The following KDM3A variants were observed in gnomAD, a reference collection of about 807,000 sequenced individuals.
KDM3A encodes the protein lysine demethylase 3A, also known as lysine-specific demethylase 3A.
Under a neutral mutation model 158.0 loss-of-function variants are expected in KDM3A, and 60 were observed. The ratio of observed to expected loss-of-function variants is 0.38; its 90% CI spans 0.31 to 0.47. The LOEUF (loss-of-function observed/expected upper bound fraction) is 0.47. KDM3A is among the 20% of genes least tolerant of loss of function. The probability of loss-of-function intolerance (pLI) is 0.99; values close to 1 mark genes in which losing one functional copy is unlikely to be tolerated. For missense variants in KDM3A, 1,319 were observed against 1,574.3 expected, an observed-to-expected ratio of 0.84 and a Z score of 2.74; for synonymous variants, 608 against 549.3, an observed-to-expected ratio of 1.11 and a Z score of -1.49.
At chr2:86,445,489 A>T (rs1436490553) in intron 2 of KDM3A, among the ~76,000 whole-genome samples, 2 of 151,694 alleles carry the variant, frequency 1.3e-5, no homozygotes, top group East Asian at 1.9e-4. Flanking sequence ...TTTGAAGCCT[A>T]CCTTTTTCTT....
intron 2 of KDM3A, among the ~76,000 whole-genome samples, chr2:86,447,440 C>T (rs1036938780): frequency 4.1e-5 from 6 of 147,662 alleles, no homozygotes; most frequent in Non-Finnish European, 7.4e-5. Context: ...AGATCTTAAT[C>T]CTTCTTAATT....
chr2:86,474,403 C>T (rs991543631), intron 11 of KDM3A, among the ~76,000 whole-genome samples: 2 of 151,166 alleles, frequency 1.3e-5, no homozygotes, highest in Non-Finnish European at 3.0e-5. Flanking sequence ...TGGCTCATGC[C>T]TGTAGTCCCA....
chr2:86,460,050 C>T (rs977222300), intron 8 of KDM3A, among the ~76,000 whole-genome samples: 2 of 152,112 alleles, frequency 1.3e-5, no homozygotes, highest in African/African-American at 4.8e-5. Flanking sequence ...AAGCTCATCT[C>T]ATTTGAAAAT....
Position 86,477,917 on chromosome 2 carries a change from A to G in KDM3A, c.1980A>G (p.Glu660=). The change falls in exon 13 of 26, where the codon GAA becomes GAG. Residue 660 remains glutamate (E), a synonymous_variant. Coordinates refer to ENST00000312912, the MANE Select transcript of KDM3A (RefSeq NM_018433.6). ...AGCGAGCTGTCAAAGGTGTTCGAGA[A>G]ATGTGTGATGTGTGCGACACCACCA... ...AWKRAVKGVR[E]MCDVCDTTIF... is the part of the protein sequence containing the mutation. 6.2e-7 allele frequency: 1 copy of G among 1,613,694 alleles called. No individual in the cohort carries two copies. The highest frequency in any genetic ancestry group is 8.5e-7 in the Non-Finnish European group (1 of 1,179,782).
chr2:86,463,665 G>T (rs780530555), intron 8 of KDM3A, among the ~76,000 whole-genome samples: 1 of 152,240 alleles, frequency 6.6e-6, no homozygotes, highest in Non-Finnish European at 1.5e-5. Flanking sequence ...CAGTAAGTGC[G>T]TGGTGGGCAC....
chr2:86,468,277 T>C (rs1466435297), intron 10 of KDM3A, among the ~76,000 whole-genome samples: 1 of 152,224 alleles, frequency 6.6e-6, no homozygotes, highest in Non-Finnish European at 1.5e-5. Context: ...TGCATAAAAT[T>C]AATTGCATAA....
upstream of KDM3A, among the ~76,000 whole-genome samples, chr2:86,437,771 TG>T (rs2104607025): frequency 6.6e-6 from 1 of 152,320 alleles, no homozygotes; most frequent in South Asian, 2.1e-4. Context: ...TTATCATTAA[TG>T]GTTTTTATTT....
intron 6 of KDM3A, 91 bp from the exon 7 acceptor site, chr2:86,456,714 A>C: frequency 9.5e-6 from 12 of 1,262,526 alleles, no homozygotes; most frequent in Non-Finnish European, 1.4e-5. Flanking sequence ...TATTCATAAG[A>C]AGCTCCTATT....
intron 15 of KDM3A, 94 bp from the exon 16 acceptor site, chr2:86,480,073 T>A: frequency 1.0e-6 from 1 of 962,762 alleles, no homozygotes; most frequent in Non-Finnish European, 1.6e-6. Flanking sequence ...TGGATATTTA[T>A]CTTACTTGTT....
At chr2:86,478,807 AT>A in intron 15 of KDM3A, 72 bp downstream of exon 15, 1 of 1,491,752 alleles carries the variant, frequency 6.7e-7, no homozygotes, top group Admixed American at 1.8e-5. Context: ...TAACCCAAGG[AT>A]TTCTATCAGT....
upstream of KDM3A, chr2:86,440,607 G>C (rs1283162633): frequency 6.6e-6 from 1 of 152,094 alleles, no homozygotes; most frequent in African/African-American, 2.4e-5. Flanking sequence ...ATTATACATT[G>C]TATTTAAAGG....
chr2:86,446,971 C>T (rs1682982243), intron 2 of KDM3A, among the ~76,000 whole-genome samples: 1 of 152,150 alleles, frequency 6.6e-6, no homozygotes, highest in Non-Finnish European at 1.5e-5. Context: ...ACCACCACTC[C>T]TGGTTAATTT....
chr2:86,448,652 G>T (rs1405667513), intron 2 of KDM3A, among the ~76,000 whole-genome samples: 5 of 152,146 alleles, frequency 3.3e-5, no homozygotes, highest in African/African-American at 1.2e-4. Context: ...TCTGATAGAT[G>T]AAGTTAACTA....
At chr2:86,480,611 A>G (rs1673879797) in intron 16 of KDM3A, among the ~76,000 whole-genome samples, 1 of 152,228 alleles carries the variant, frequency 6.6e-6, no homozygotes, top group Non-Finnish European at 1.5e-5. Context: ...CACTTCTTTC[A>G]TGCAAAGATC....
chr2:86,491,944 G>C, intron 25 of KDM3A, 95 bp from the exon 26 acceptor site: 1 of 782,636 alleles, frequency 1.3e-6, no homozygotes, highest in East Asian at 2.7e-5. Flanking sequence ...TAAATTCTGA[G>C]AGAAGGTAAT....
chr2:86,440,389 A>T (rs992824662), upstream of KDM3A, among the ~76,000 whole-genome samples: 1 of 152,210 alleles, frequency 6.6e-6, no homozygotes, highest in South Asian at 2.1e-4. Context: ...CTTTATGAAC[A>T]TATCTTCAAT....
At chr2:86,489,790 T>C (rs1295640715) in intron 23 of KDM3A, 131 bp downstream of exon 23, 1 of 932,854 alleles carries the variant, frequency 1.1e-6, no homozygotes. Flanking sequence ...ACCTGTCAGA[T>C]TGAATAGGCT....
intron 10 of KDM3A, among the ~76,000 whole-genome samples, chr2:86,469,301 TC>T (rs1673296508): frequency 6.6e-6 from 1 of 152,140 alleles, no homozygotes; most frequent in African/African-American, 2.4e-5. Context: ...CTCAACTAGT[TC>T]CCCAGAAGCT....
At chr2:86,474,373 CA>C (rs1673550491) in intron 11 of KDM3A, among the ~76,000 whole-genome samples, 1 of 152,102 alleles carries the variant, frequency 6.6e-6, no homozygotes, top group African/African-American at 2.4e-5. Flanking sequence ...ATAGTAATTA[CA>C]AGTTGTGGAT....
Sources: allele counts gnomAD v4.1 joint callset (sites outside exome capture counted in the v4.1 genomes callset), GRCh38; gene constraint gnomAD v4.1.1; transcripts MANE v1.5; gene names NCBI Gene and HGNC (gene_info 2026-07-23, HGNC 2026-07-21).